Variants in MYO1H observed in about 807,000 individuals in gnomAD.
MYO1H encodes the protein myosin IH, also known as unconventional myosin-Ih.
In MYO1H, 118 loss-of-function variants were observed where a neutral mutation model predicts 149.3. That is an observed-to-expected ratio of 0.79 (90% confidence interval 0.68 to 0.92). The LOEUF (loss-of-function observed/expected upper bound fraction) is 0.92, where lower values mean the gene tolerates loss of function less well. MYO1H is among the 40% of genes least tolerant of loss of function. The pLI, the probability that MYO1H is intolerant of heterozygous loss-of-function variation, is 0.00. For missense variants in MYO1H, 1,212 were observed against 1,280.7 expected, an observed-to-expected ratio of 0.95 and a Z score of 0.82; for synonymous variants, 447 against 465.2, an observed-to-expected ratio of 0.96 and a Z score of 0.50.
At chr12:109,436,540 G>A in exon 22 of MYO1H, 2 of 1,607,500 alleles carry the variant, frequency 1.2e-6, no homozygotes, top group African/African-American at 1.3e-5. Flanking sequence ...GAGAATACGT[G>A]AAAAAAAGAC....
intron 19 of MYO1H, among the ~76,000 whole-genome samples, chr12:109,432,590 C>T (rs1019646912): frequency 1.5e-4 from 23 of 152,174 alleles, no homozygotes; most frequent in African/African-American, 5.1e-4. Context: ...AATGTTCGGA[C>T]ACCTTTTCAT....
exon 6 of MYO1H, chr12:109,401,234 C>G: frequency 7.4e-6 from 12 of 1,613,472 alleles, no homozygotes; most frequent in Non-Finnish European, 1.0e-5. Context: ...TTACCTGGGA[C>G]TCGAGCGAGA....
At chr12:109,380,537 A>G (rs1869183908) in intron 1 of MYO1H, among the ~76,000 whole-genome samples, 1 of 152,214 alleles carries the variant, frequency 6.6e-6, no homozygotes, top group Non-Finnish European at 1.5e-5. Context: ...CACTGGTGAC[A>G]GTGTTGGTAT....
intron 15 of MYO1H, among the ~76,000 whole-genome samples, chr12:109,420,048 G>GT (rs1182711342): frequency 2.0e-5 from 3 of 152,154 alleles, no homozygotes; most frequent in African/African-American, 4.8e-5. Flanking sequence ...GCTTGAGTTT[G>GT]TTTTTTCTCA....
chr12:109,395,807 C>T (rs553346338), intron 3 of MYO1H, among the ~76,000 whole-genome samples: 1 of 151,268 alleles, frequency 6.6e-6, no homozygotes, highest in South Asian at 2.1e-4. Flanking sequence ...CTAGTACACT[C>T]TATATTTGAT....
chr12:109,398,741 CAAAAAAAAAA>C lies in MYO1H; in HGVS notation c.570+944_570+953del, dbSNP rs35031072. On this transcript the variant is annotated intron_variant, in intron 5 of 31. Transcript: ENST00000310903. ...GGGCAACAAGAGCGAAACTTCCTCT[CAAAAAAAAAA>C]AAAAAAAAAAAAAAGACACAAGTAA... is the stretch of plus-strand genomic sequence containing the variant. Among the ~76,000 whole-genome samples, 469 of 52,012 alleles carry C rather than the reference CAAAAAAAAAA, an allele frequency of 9.0e-3. 12 individuals are homozygous for C. The East Asian group carries it at 0.1, about 12-fold the overall frequency. 34.1% of individuals were successfully genotyped at this position (52,012 alleles called of 152,430 possible).
chr12:109,332,146 G>A, the MYO1H span, among the ~76,000 whole-genome samples: 2 of 152,204 alleles, frequency 1.3e-5, no homozygotes, highest in African/African-American at 2.4e-5. Context: ...GGATTTTCAT[G>A]AACCTCAGTC....
At chr12:109,402,857 G>A (rs1870222377) in intron 6 of MYO1H, among the ~76,000 whole-genome samples, 1 of 152,080 alleles carries the variant, frequency 6.6e-6, no homozygotes, top group African/African-American at 2.4e-5. Flanking sequence ...ATTTTCCCAA[G>A]GGCTTCTCTA....
intron 15 of MYO1H, among the ~76,000 whole-genome samples, chr12:109,419,838 G>C (rs546858911): frequency 6.7e-6 from 1 of 150,246 alleles, no homozygotes; most frequent in East Asian, 1.9e-4. Flanking sequence ...TGGGATCACA[G>C]GCATGAGACA....
exon 24 of MYO1H, chr12:109,439,755 A>G (rs1486390372): frequency 6.2e-7 from 1 of 1,613,842 alleles, no homozygotes; most frequent in Non-Finnish European, 8.5e-7. Flanking sequence ...TGTCCTGGAC[A>G]AGAGCTGGCT....
intron 19 of MYO1H, among the ~76,000 whole-genome samples, chr12:109,428,408 T>G (rs1320403246): frequency 6.6e-6 from 1 of 152,198 alleles, no homozygotes; most frequent in African/African-American, 2.4e-5. Context: ...ACCTGTCATT[T>G]CCCTTATCTG....
At chr12:109,411,003 A>G (rs749795111) in intron 13 of MYO1H, among the ~76,000 whole-genome samples, 5 of 152,178 alleles carry the variant, frequency 3.3e-5, no homozygotes, top group Non-Finnish European at 7.3e-5. Context: ...TTAGCCGGGC[A>G]TGATGGCATG....
In MYO1H at chr12:109,436,352, A is replaced by G. The variant is rs541817650; in HGVS notation, c.2141-136A>G. Reference sequence around the variant, plus strand: ...CAGCTCTCAGGTCTGCAGTGCTGAAATAGCTTCCTGAAACATCACTACACC... The same window carrying G: ...CAGCTCTCAGGTCTGCAGTGCTGAAGTAGCTTCCTGAAACATCACTACACC... On this transcript the variant is annotated intron_variant, in intron 21 of 31. Coordinates refer to ENST00000310903, the Ensembl canonical transcript of MYO1H. 34 of 633,436 alleles carry G rather than the reference A, an allele frequency of 5.4e-5. No homozygotes were observed. The African/African-American group carries it at 5.5e-4, about 10-fold the overall frequency. 39.2% of individuals were successfully genotyped at this position (633,436 alleles called of 1,614,324 possible).
chr12:109,436,947 A>AAAACC (rs2135595703), intron 22 of MYO1H, among the ~76,000 whole-genome samples: 1 of 151,776 alleles, frequency 6.6e-6, no homozygotes, highest in Non-Finnish European at 1.5e-5. Context: ...AAAACAAAAC[A>AAAACC]CCCAAAAATT....
upstream of MYO1H, among the ~76,000 whole-genome samples, chr12:109,345,117 G>C (rs897487070): frequency 2.0e-5 from 3 of 152,132 alleles, no homozygotes; most frequent in African/African-American, 7.2e-5. Context: ...CTTCATCAAA[G>C]TTTAAGTCTT....
chr12:109,431,738 G>T (rs1478485111), intron 19 of MYO1H, among the ~76,000 whole-genome samples: 1 of 152,188 alleles, frequency 6.6e-6, no homozygotes, highest in Non-Finnish European at 1.5e-5. Context: ...GGGTAGAAGG[G>T]AACTGCATGC....
At chr12:109,374,690 G>C (rs1274916607) in intron 1 of MYO1H, among the ~76,000 whole-genome samples, 1 of 152,106 alleles carries the variant, frequency 6.6e-6, no homozygotes, top group Non-Finnish European at 1.5e-5. Flanking sequence ...GTTTTCCAAA[G>C]TAATTGTACC....
chr12:109,446,193 A>G, intron 31 of MYO1H: 1 of 984,584 alleles, frequency 1.0e-6, no homozygotes, highest in Non-Finnish European at 1.2e-6. Context: ...AACCATGGCT[A>G]CGTTAGGGAG....
chr12:109,321,536 G>A, the MYO1H span, among the ~76,000 whole-genome samples: 2 of 152,046 alleles, frequency 1.3e-5, no homozygotes, highest in African/African-American at 4.8e-5. Context: ...CTGGGCAATA[G>A]AGCGAGATCC....
Sources: allele counts gnomAD v4.1 joint callset (sites outside exome capture counted in the v4.1 genomes callset), GRCh38; gene constraint gnomAD v4.1.1; transcripts MANE v1.5; gene names NCBI Gene and HGNC (gene_info 2026-07-23, HGNC 2026-07-21).